Variants in ASTN2 observed in about 807,000 individuals in gnomAD.
The protein encoded by ASTN2 is astrotactin-2.
In ASTN2, 54 loss-of-function variants were observed where a neutral mutation model predicts 139.8. The observed-to-expected ratio is 0.39, with a 90% CI of 0.31 to 0.48. The LOEUF (loss-of-function observed/expected upper bound fraction) is 0.48. Ranked by LOEUF, ASTN2 falls within the 20% of genes least tolerant of loss-of-function variation. ASTN2 has a pLI of 0.95. For missense variants in ASTN2, 1,565 were observed against 1,725.1 expected (o/e 0.91, Z 1.64); for synonymous variants, 756 against 719.5 (o/e 1.05, Z -0.81).
intron 2 of ASTN2, among the ~76,000 whole-genome samples, chr9:117,287,528 G>A (rs569631798): frequency 2.6e-5 from 4 of 152,174 alleles, no homozygotes; most frequent in Non-Finnish European, 4.4e-5. Context: ...TGTGATCAAT[G>A]TCACGTAGAT....
In ASTN2 at chr9:116,901,475, A is replaced by G. The variant is rs1225196012; in HGVS notation, c.1890-37742T>C. On this transcript the variant is annotated intron_variant, in intron 10 of 22. Transcript: ENST00000313400. Reference sequence around the variant, plus strand: ...GAGGCAGCAGTGAGCTGAGATCATAATGGAGCTGAAAAATTCCTGTTGCTT... The same window carrying G: ...GAGGCAGCAGTGAGCTGAGATCATAGTGGAGCTGAAAAATTCCTGTTGCTT... Among the ~76,000 whole-genome samples, 8 of 152,214 alleles carry G rather than the reference A, an allele frequency of 5.3e-5. No homozygotes were observed. In the East Asian group the frequency reaches 1.5e-3, roughly 29 times the overall value.
chr9:116,919,546 T>G (rs16934053), intron 10 of ASTN2, among the ~76,000 whole-genome samples: 6,828 of 152,148 alleles, frequency 0.045, 492 homozygotes, highest in African/African-American at 0.15. Context: ...GACCTATGAA[T>G]TTTTCATCCT....
intron 13 of ASTN2, among the ~76,000 whole-genome samples, chr9:116,799,319 T>A (rs999825678): frequency 6.6e-6 from 1 of 152,094 alleles, no homozygotes; most frequent in Non-Finnish European, 1.5e-5. Context: ...GGGTTGTGGG[T>A]GCTGAATCCC....
At chr9:117,212,078 A>T (rs1376217009) in intron 3 of ASTN2, among the ~76,000 whole-genome samples, 1 of 152,192 alleles carries the variant, frequency 6.6e-6, no homozygotes, top group Non-Finnish European at 1.5e-5. Flanking sequence ...ACATACATAG[A>T]TGAATGTAAC....
intron 2 of ASTN2, among the ~76,000 whole-genome samples, chr9:117,269,318 C>A (rs1409037327): frequency 6.6e-6 from 1 of 152,188 alleles, no homozygotes; most frequent in Non-Finnish European, 1.5e-5. Context: ...TAACAGGTGC[C>A]TTTGCTAGAA....
At chr9:116,621,644 C>T (rs1202703264) in intron 17 of ASTN2, among the ~76,000 whole-genome samples, 2 of 152,220 alleles carry the variant, frequency 1.3e-5, no homozygotes, top group Non-Finnish European at 2.9e-5. Flanking sequence ...CCTTGCCTAT[C>T]TCACCCATAA....
intron 15 of ASTN2, 146 bp from the exon 16 acceptor site, chr9:116,726,096 C>A: frequency 1.5e-6 from 1 of 660,048 alleles, no homozygotes; most frequent in South Asian, 2.0e-5. Context: ...CTAGTCCAAA[C>A]ATATACATAA....
At chr9:116,632,955 T>C (rs1440825887) in intron 17 of ASTN2, among the ~76,000 whole-genome samples, 2 of 152,232 alleles carry the variant, frequency 1.3e-5, no homozygotes, top group African/African-American at 4.8e-5. Flanking sequence ...CATAAAAGTT[T>C]GTTGTATGAA....
At chr9:117,036,330 A>T (rs1387319138) in intron 6 of ASTN2, among the ~76,000 whole-genome samples, 2 of 152,122 alleles carry the variant, frequency 1.3e-5, no homozygotes, top group Non-Finnish European at 2.9e-5. Context: ...GCTCCATCGC[A>T]TCTCCAGGAT....
intron 16 of ASTN2, among the ~76,000 whole-genome samples, chr9:116,679,104 G>C (rs374144254): frequency 2.0e-5 from 3 of 152,132 alleles, no homozygotes; most frequent in African/African-American, 7.2e-5. Flanking sequence ...TCCTCTATCA[G>C]AGTAAAGGTT....
chr9:117,317,585 T>A (rs564729042), intron 1 of ASTN2, among the ~76,000 whole-genome samples: 1 of 152,176 alleles, frequency 6.6e-6, no homozygotes. Context: ...TTAACTCACA[T>A]CTCCAGATAC....
intron 3 of ASTN2, among the ~76,000 whole-genome samples, chr9:117,153,176 T>C (rs1830360791): frequency 6.6e-6 from 1 of 151,938 alleles, no homozygotes. Flanking sequence ...ATATTTCTAC[T>C]CCCACACTTG....
chr9:116,786,931 G>A (rs116126774), intron 13 of ASTN2, among the ~76,000 whole-genome samples: 3,389 of 152,230 alleles, frequency 0.022, 137 homozygotes, highest in African/African-American at 0.078. Context: ...GTTCTAAAGA[G>A]AGCTGGTGGT....
At chr9:116,792,411 C>G (rs1830583672) in intron 13 of ASTN2, among the ~76,000 whole-genome samples, 1 of 152,142 alleles carries the variant, frequency 6.6e-6, no homozygotes, top group South Asian at 2.1e-4. Flanking sequence ...TGGTAAGTAG[C>G]TTTCTGCTGC....
At chr9:117,186,559 A>C (rs1831205272) in intron 3 of ASTN2, among the ~76,000 whole-genome samples, 1 of 151,804 alleles carries the variant, frequency 6.6e-6, no homozygotes, top group East Asian at 1.9e-4. Flanking sequence ...AAAAATAAAT[A>C]AATAAAATAA....
Position 116,765,436 on chromosome 9 carries a change from T to C in ASTN2, c.2397-31913A>G, listed in dbSNP as rs115358706. Among the ~76,000 whole-genome samples the C allele has an allele frequency of 7.1e-3, 1,085 of 152,282 alleles. 13 individuals are homozygous for C. The highest frequency in any genetic ancestry group is 0.025 in the African/African-American group (1,030 of 41,574). On this transcript the variant is annotated intron_variant, in intron 13 of 22. Coordinates refer to ENST00000313400, the MANE Select transcript of ASTN2 (RefSeq NM_001365068.1). ...CTTGAAGTGTAAACTAGTTTGACCTTTCTTAAGGGTATGTGATATTGGGTA... is the reference window on the plus strand; with the variant it reads ...CTTGAAGTGTAAACTAGTTTGACCTCTCTTAAGGGTATGTGATATTGGGTA...
At chr9:117,261,246 C>T (rs1833814933) in intron 2 of ASTN2, among the ~76,000 whole-genome samples, 1 of 152,124 alleles carries the variant, frequency 6.6e-6, no homozygotes, top group African/African-American at 2.4e-5. Flanking sequence ...TAGTGGGAAA[C>T]CTTTGTTTAC....
chr9:117,284,002 A>G (rs1263381417), intron 2 of ASTN2, among the ~76,000 whole-genome samples: 3 of 152,148 alleles, frequency 2.0e-5, no homozygotes, highest in Non-Finnish European at 4.4e-5. Context: ...ACCAGCCTAA[A>G]TATTTATTGT....
At position 117,145,408 on chromosome 9, in the gene ASTN2, C is replaced by T. The variant is rs141543026; in HGVS notation, c.1016-3930G>A. On this transcript the variant is annotated intron_variant, in intron 3 of 22. Transcript: ENST00000313400. ...CCTTCACCCTCTGGGCTGTGTCACC[C>T]GCTCCTTGTTAGATGGCTACTAGTT... Among the ~76,000 whole-genome samples the T allele has an allele frequency of 4.4e-3, 667 of 152,308 alleles. 4 individuals are homozygous for T. The highest frequency in any genetic ancestry group is 0.015 in the African/African-American group (616 of 41,568).
Sources: gnomAD v4.1 joint callset for allele counts (sites outside exome capture counted in the v4.1 genomes callset) on GRCh38, gnomAD v4.1.1 for gene constraint, MANE v1.5 for transcripts, NCBI Gene and HGNC (gene_info 2026-07-23, HGNC 2026-07-21) for gene names.